Variants in CREB5 observed in about 807,000 individuals in gnomAD.
CREB5 encodes the protein cAMP responsive element binding protein 5.
A neutral mutation model predicts 57.1 loss-of-function variants in CREB5; 19 were observed. The observed-to-expected ratio is 0.33, with a 90% confidence interval of 0.23 to 0.49. The LOEUF is 0.49. CREB5 is among the 20% of genes least tolerant of loss of function. The probability of loss-of-function intolerance (pLI) is 0.99; values close to 1 mark genes in which losing one functional copy is unlikely to be tolerated. For missense variants in CREB5, 579 were observed against 671.6 expected (o/e 0.86, Z 1.52); for synonymous variants, 238 against 238.3 (o/e 1.00, Z 0.01).
chr7:28,515,162 G>A (rs1792890708), intron 4 of CREB5, among the ~76,000 whole-genome samples: 1 of 152,158 alleles, frequency 6.6e-6, no homozygotes, highest in Non-Finnish European at 1.5e-5. Flanking sequence ...GGCCTCTTCA[G>A]TTAACTGGGA....
At chr7:28,376,659 A>G (rs960731017) in intron 1 of CREB5, among the ~76,000 whole-genome samples, 1 of 152,206 alleles carries the variant, frequency 6.6e-6, no homozygotes, top group Admixed American at 6.5e-5. Flanking sequence ...GAAGCAGTTA[A>G]GTGCGTATGT....
At chr7:28,539,210 T>G (rs1459750786) in intron 4 of CREB5, among the ~76,000 whole-genome samples, 2 of 152,230 alleles carry the variant, frequency 1.3e-5, no homozygotes, top group African/African-American at 2.4e-5. Flanking sequence ...TTAAAGGTTT[T>G]CAGAATGGTA....
intron 5 of CREB5, among the ~76,000 whole-genome samples, chr7:28,666,024 C>T (rs957656321): frequency 4.6e-5 from 7 of 152,042 alleles, no homozygotes; most frequent in African/African-American, 1.7e-4. Flanking sequence ...CTATTTTTTG[C>T]TGTCTTTTTT....
intron 1 of CREB5, among the ~76,000 whole-genome samples, chr7:28,405,662 C>T (rs2128000414): frequency 6.6e-6 from 1 of 152,260 alleles, no homozygotes; most frequent in Admixed American, 6.5e-5. Flanking sequence ...AGTTATCCTC[C>T]CGTCTCAGCC....
intron 1 of CREB5, among the ~76,000 whole-genome samples, chr7:28,332,459 T>G (rs1443098899): frequency 6.6e-6 from 1 of 152,154 alleles, no homozygotes; most frequent in Non-Finnish European, 1.5e-5. Flanking sequence ...TGGCATATAG[T>G]AGACGCTCAG....
At chr7:28,495,066 C>G in intron 3 of CREB5, 67 bp downstream of exon 3, 1 of 1,128,872 alleles carries the variant, frequency 8.9e-7, no homozygotes, top group Non-Finnish European at 1.2e-6. Flanking sequence ...ACTTGTTCTT[C>G]TTTTGGTAGG....
At chr7:28,454,500 A>C (rs1166321661) in intron 1 of CREB5, among the ~76,000 whole-genome samples, 1 of 151,926 alleles carries the variant, frequency 6.6e-6, no homozygotes, top group East Asian at 1.9e-4. Context: ...TCTCTTTTCT[A>C]GTTTTCCTCC....
At chr7:28,737,567 ATATATATATATATAT>A (rs1562606627) in intron 7 of CREB5, among the ~76,000 whole-genome samples, 1 of 110,722 alleles carries the variant, frequency 9.0e-6, no homozygotes, top group Non-Finnish European at 2.0e-5. Flanking sequence ...ATATATATAT[ATATATATATATATAT>A]ATATATTTTT....
At chr7:28,509,826 G>A (rs973119912) in intron 4 of CREB5, among the ~76,000 whole-genome samples, 5 of 152,162 alleles carry the variant, frequency 3.3e-5, no homozygotes, top group African/African-American at 7.2e-5. Flanking sequence ...GGTGGGGAAC[G>A]GCCAGCCTCC....
At chr7:28,303,733 C>G (rs1349777967) in intron 1 of CREB5, among the ~76,000 whole-genome samples, 1 of 151,940 alleles carries the variant, frequency 6.6e-6, no homozygotes, top group East Asian at 1.9e-4. Context: ...TGGATACAAT[C>G]CAAAATATAC....
At chr7:28,503,375 T>C (rs960861054) in intron 3 of CREB5, among the ~76,000 whole-genome samples, 1 of 152,162 alleles carries the variant, frequency 6.6e-6, no homozygotes, top group African/African-American at 2.4e-5. Flanking sequence ...ACAATCCTAC[T>C]GACTCTCTCC....
chr7:28,516,773 C>T (rs1440087277), intron 4 of CREB5, among the ~76,000 whole-genome samples: 3 of 152,202 alleles, frequency 2.0e-5, no homozygotes, highest in Admixed American at 6.5e-5. Context: ...TTGTTTAAAT[C>T]GCTTCTTACC....
chr7:28,757,837 C>G (rs1307021442), intron 7 of CREB5, among the ~76,000 whole-genome samples: 1 of 152,088 alleles, frequency 6.6e-6, no homozygotes, highest in African/African-American at 2.4e-5. Flanking sequence ...CATCCCTAAT[C>G]TGAAAAGTCA....
chr7:28,729,311 A>G (rs559102838), intron 7 of CREB5, among the ~76,000 whole-genome samples: 80 of 152,278 alleles, frequency 5.3e-4, no homozygotes, highest in African/African-American at 1.9e-3. Flanking sequence ...ATTTCTACCT[A>G]GAATTGTGAT....
In CREB5 at chr7:28,486,605, G is replaced by A. The variant is rs201158586; in HGVS notation, c.4-1570G>A. On this transcript the variant is annotated intron_variant, in intron 1 of 10. Coordinates refer to ENST00000357727, the MANE Select transcript of CREB5 (RefSeq NM_182898.4). ...AGAAAGGTACAAAAAAAAGAGGGGG[G>A]GTATGATATAGAAAATTATTTAAAT... is the stretch of plus-strand genomic sequence containing the variant. Among the ~76,000 whole-genome samples the A allele has an allele frequency of 4.2e-5, 6 of 141,542 alleles. No individual in the cohort carries two copies. In the East Asian group the frequency reaches 1.2e-3, roughly 29 times the overall value. 92.9% of individuals were successfully genotyped at this position (141,542 alleles called of 152,430 possible). A position where few individuals can be genotyped will look rare whatever the true frequency, so the allele number is the denominator to read the frequency against.
At chr7:28,704,003 T>A (rs1214640521) in intron 5 of CREB5, among the ~76,000 whole-genome samples, 1 of 152,162 alleles carries the variant, frequency 6.6e-6, no homozygotes, top group Admixed American at 6.5e-5. Context: ...TCATCTACTA[T>A]GAAGTAGTGA....
At chr7:28,490,104 T>A (rs186658747) in intron 2 of CREB5, among the ~76,000 whole-genome samples, 2 of 152,348 alleles carry the variant, frequency 1.3e-5, no homozygotes, top group African/African-American at 4.8e-5. Flanking sequence ...TTGATTCAAC[T>A]CAAATTTCTC....
intron 5 of CREB5, among the ~76,000 whole-genome samples, chr7:28,701,322 T>A (rs1408848402): frequency 6.6e-6 from 1 of 152,086 alleles, no homozygotes; most frequent in Non-Finnish European, 1.5e-5. Context: ...CCCCCCAAAA[T>A]CCCTCTTATT....
intron 1 of CREB5, among the ~76,000 whole-genome samples, chr7:28,315,349 A>G (rs1785357418): frequency 6.6e-6 from 1 of 152,158 alleles, no homozygotes; most frequent in Non-Finnish European, 1.5e-5. Context: ...ATTTTTTCGG[A>G]AAAAGTCACT....
Sources: allele counts gnomAD v4.1 joint callset (sites outside exome capture counted in the v4.1 genomes callset), GRCh38; gene constraint gnomAD v4.1.1; transcripts MANE v1.5; gene names NCBI Gene and HGNC (gene_info 2026-07-23, HGNC 2026-07-21).